Variants in PCED1B observed in about 807,000 individuals in gnomAD.
PCED1B encodes the protein PC-esterase domain-containing protein 1B.
For synonymous variants in PCED1B, 251 were observed against 246.1 expected (o/e 1.02, Z -0.19); for missense variants, 573 against 573.9 (o/e 1.00, Z 0.02).
At chr12:47,131,162 TA>T (rs1940109458) in intron 2 of PCED1B, among the ~76,000 whole-genome samples, 2 of 152,154 alleles carry the variant, frequency 1.3e-5, no homozygotes, top group African/African-American at 4.8e-5. Flanking sequence ...ATCACTTACT[TA>T]AAAGGTGATT....
At chr12:47,138,170 C>A (rs1940459672) in intron 2 of PCED1B, 1 of 152,212 alleles carries the variant, frequency 6.6e-6, no homozygotes, top group African/African-American at 2.4e-5. Context: ...CATGTCTGTT[C>A]TTTCCTCTTT....
intron 1 of PCED1B, among the ~76,000 whole-genome samples, chr12:47,086,206 T>C (rs1284847023): frequency 6.6e-6 from 1 of 151,998 alleles, no homozygotes; most frequent in Non-Finnish European, 1.5e-5. Context: ...TAGCTATGAG[T>C]CCTCCCCGAT....
At chr12:47,165,355 G>A (rs1378528287) in intron 2 of PCED1B, among the ~76,000 whole-genome samples, 2 of 152,096 alleles carry the variant, frequency 1.3e-5, no homozygotes, top group African/African-American at 2.4e-5. Context: ...AATGAATGAT[G>A]GGCAGTTTTA....
intron 3 of PCED1B, among the ~76,000 whole-genome samples, chr12:47,230,640 C>T (rs184348877): frequency 5.9e-5 from 9 of 152,200 alleles, no homozygotes; most frequent in Admixed American, 2.0e-4. Flanking sequence ...CAGGATTTCA[C>T]CATTTTGGCC....
At chr12:47,190,925 A>G (rs1426091219) in intron 2 of PCED1B, among the ~76,000 whole-genome samples, 2 of 152,178 alleles carry the variant, frequency 1.3e-5, no homozygotes, top group South Asian at 2.1e-4. Context: ...CCCTCAGCCA[A>G]TCGAACTTCT....
chr12:47,205,650 A>G (rs1202581704), intron 2 of PCED1B, among the ~76,000 whole-genome samples: 2 of 151,996 alleles, frequency 1.3e-5, no homozygotes, highest in African/African-American at 4.8e-5. Context: ...TAATTTTCTT[A>G]GTTGTAATTT....
chr12:47,142,117 C>T (rs1040663600), intron 2 of PCED1B, among the ~76,000 whole-genome samples: 2 of 152,174 alleles, frequency 1.3e-5, no homozygotes, highest in East Asian at 3.9e-4. Flanking sequence ...GGACCCTTGT[C>T]CCAGAACCAG....
intron 1 of PCED1B, among the ~76,000 whole-genome samples, chr12:47,091,131 G>T (rs892266606): frequency 2.0e-5 from 3 of 152,220 alleles, no homozygotes; most frequent in Non-Finnish European, 2.9e-5. Context: ...CTCCAAAGTG[G>T]TTGTACCAAT....
intron 3 of PCED1B, among the ~76,000 whole-genome samples, chr12:47,228,849 G>A (rs561687744): frequency 1.3e-5 from 2 of 151,550 alleles, no homozygotes; most frequent in African/African-American, 4.8e-5. Flanking sequence ...CTCCAGCCTG[G>A]GCAACCAGAG....
intron 2 of PCED1B, among the ~76,000 whole-genome samples, chr12:47,211,765 C>T (rs2137770341): frequency 6.6e-6 from 1 of 151,342 alleles, no homozygotes; most frequent in East Asian, 2.0e-4. Context: ...CAAAGCCAGC[C>T]TGGGCAACAA....
intron 2 of PCED1B, among the ~76,000 whole-genome samples, chr12:47,159,226 T>A (rs1941292792): frequency 6.6e-6 from 1 of 152,328 alleles, no homozygotes; most frequent in East Asian, 1.9e-4. Context: ...ATCCGTTTAA[T>A]ATACTGATTT....
chr12:47,174,209 G>C (rs906392847), intron 2 of PCED1B, among the ~76,000 whole-genome samples: 4 of 151,876 alleles, frequency 2.6e-5, no homozygotes, highest in Non-Finnish European at 4.4e-5. Flanking sequence ...AAGAATTCAA[G>C]ACCAGCCTGG....
intron 2 of PCED1B, among the ~76,000 whole-genome samples, chr12:47,143,376 A>T (rs7484989): frequency 0.57 from 87,193 of 151,946 alleles, 25,819 homozygotes; most frequent in Admixed American, 0.64. Flanking sequence ...AGTTACAAGA[A>T]ACAAAATTAA....
chr12:47,147,593 A>C (rs1394966836), intron 2 of PCED1B, among the ~76,000 whole-genome samples: 1 of 151,976 alleles, frequency 6.6e-6, no homozygotes, highest in Non-Finnish European at 1.5e-5. Flanking sequence ...TTGTCTATCC[A>C]TATTCTATTT....
At chr12:47,109,770 T>C (rs1220866674) in intron 2 of PCED1B, among the ~76,000 whole-genome samples, 1 of 152,154 alleles carries the variant, frequency 6.6e-6, no homozygotes, top group Non-Finnish European at 1.5e-5. Flanking sequence ...AAAAGGCTAT[T>C]AAAACTTTTA....
intron 3 of PCED1B, among the ~76,000 whole-genome samples, chr12:47,220,088 A>AAG (rs1555155819): frequency 5.6e-4 from 74 of 133,154 alleles, no homozygotes; most frequent in Non-Finnish European, 9.0e-4. Flanking sequence ...AAAAAAAAAA[A>AAG]AAGAAGAAGA....
At chr12:47,135,927 T>C in intron 2 of PCED1B, 1 of 206,542 alleles carries the variant, frequency 4.8e-6, no homozygotes, top group South Asian at 8.2e-5. Context: ...CCAGCTGTGG[T>C]TGGGTTGCTG....
intron 2 of PCED1B, among the ~76,000 whole-genome samples, chr12:47,191,506 C>T (rs897087885): frequency 3.3e-5 from 5 of 152,188 alleles, no homozygotes; most frequent in Non-Finnish European, 7.3e-5. Flanking sequence ...GTTCACAACC[C>T]AATGCATTCA....
At chr12:47,195,003 C>T (rs1942557697) in intron 2 of PCED1B, among the ~76,000 whole-genome samples, 1 of 152,090 alleles carries the variant, frequency 6.6e-6, no homozygotes, top group Non-Finnish European at 1.5e-5. Context: ...GAAGAAAAGC[C>T]TGTTTTAGTC....
Sources: gnomAD v4.1 joint callset for allele counts (sites outside exome capture counted in the v4.1 genomes callset) on GRCh38, gnomAD v4.1.1 for gene constraint, MANE v1.5 for transcripts, NCBI Gene and HGNC (gene_info 2026-07-23, HGNC 2026-07-21) for gene names.